USH2A: variants seen among roughly 807,000 people sequenced by gnomAD.
USH2A encodes usherin, also known as Usher syndrome 2A (autosomal recessive, mild).
In USH2A, 443 loss-of-function variants were observed where a neutral mutation model predicts 538.9. The observed-to-expected ratio is 0.82, with a 90% CI of 0.76 to 0.89. The LOEUF is 0.89. Ranked by LOEUF, USH2A falls within the 40% of genes least tolerant of loss-of-function variation. The probability of loss-of-function intolerance (pLI) is 0.00; values close to 1 mark genes in which losing one functional copy is unlikely to be tolerated. For missense variants in USH2A, 6,633 were observed against 6,324.8 expected, an observed-to-expected ratio of 1.05 and a Z score of -1.65; for synonymous variants, 2,413 against 2,273.5, an observed-to-expected ratio of 1.06 and a Z score of -1.75.
chr1:215,909,693 C>A (rs939995039), intron 38 of USH2A, among the ~76,000 whole-genome samples: 1 of 151,796 alleles, frequency 6.6e-6, no homozygotes. Context: ...ATGTTAGATG[C>A]GATAGGCAGG....
At chr1:216,186,814 T>C (rs1177789299) in intron 20 of USH2A, among the ~76,000 whole-genome samples, 1 of 151,904 alleles carries the variant, frequency 6.6e-6, no homozygotes. Context: ...GGCTGCAATA[T>C]TTGCTATCAT....
At chr1:216,031,661 G>A (rs1034091845) in intron 32 of USH2A, among the ~76,000 whole-genome samples, 2 of 152,148 alleles carry the variant, frequency 1.3e-5, no homozygotes, top group Non-Finnish European at 2.9e-5. Flanking sequence ...AGCACTGATT[G>A]TCTTGTGGTA....
chr1:215,923,213 G>T (rs1034238949), intron 38 of USH2A, among the ~76,000 whole-genome samples: 24 of 151,968 alleles, frequency 1.6e-4, no homozygotes, highest in Non-Finnish European at 7.4e-5. Context: ...ACACATAGAG[G>T]CTTAAGCAAT....
intron 21 of USH2A, among the ~76,000 whole-genome samples, chr1:216,125,049 T>G: frequency 6.6e-6 from 1 of 152,300 alleles, no homozygotes; most frequent in East Asian, 1.9e-4. Context: ...TGTGCTTTAA[T>G]CTATCAGTGA....
chr1:216,157,948 TAAATGTTA>T (rs534295682), intron 21 of USH2A, among the ~76,000 whole-genome samples: 1,898 of 152,164 alleles, frequency 0.012, 21 homozygotes, highest in Non-Finnish European at 0.019. Flanking sequence ...ATACCTAAAA[TAAATGTTA>T]AAATGAAAAA....
chr1:215,651,183 T>C (rs1196918290), intron 64 of USH2A, among the ~76,000 whole-genome samples: 1 of 152,162 alleles, frequency 6.6e-6, no homozygotes. Context: ...TTCTTAAACA[T>C]TGTCCCCACC....
chr1:215,672,589 G>T (rs541784147), intron 63 of USH2A, among the ~76,000 whole-genome samples: 3 of 152,102 alleles, frequency 2.0e-5, no homozygotes, highest in African/African-American at 7.2e-5. Context: ...GGTTATCCGT[G>T]GTAGTTTTTA....
intron 44 of USH2A, 123 bp downstream of exon 44, chr1:215,866,884 A>C: frequency 7.2e-7 from 1 of 1,383,996 alleles, no homozygotes; most frequent in Non-Finnish European, 1.0e-6. Context: ...TGCAATTGGT[A>C]AAAATTTACC....
At chr1:215,725,746 G>C (rs1659798026) in intron 61 of USH2A, among the ~76,000 whole-genome samples, 2 of 152,138 alleles carry the variant, frequency 1.3e-5, no homozygotes, top group South Asian at 4.1e-4. Context: ...ACCAGTACTG[G>C]ACTGTCAAAA....
intron 60 of USH2A, among the ~76,000 whole-genome samples, chr1:215,729,353 TTTCTC>T (rs1477860520): frequency 4.6e-5 from 7 of 152,232 alleles, no homozygotes; most frequent in African/African-American, 1.7e-4. Flanking sequence ...TCATTTGAAT[TTTCTC>T]TTCTATAATT....
At chr1:215,772,540 T>A (rs1008466229) in intron 55 of USH2A, among the ~76,000 whole-genome samples, 1 of 152,192 alleles carries the variant, frequency 6.6e-6, no homozygotes. Flanking sequence ...TAACATTACT[T>A]TGAAGAGTAA....
chr1:216,250,885 C>T lies in USH2A; in HGVS notation c.2167+18G>A, dbSNP rs375510766. ...ATGGTAATAGAGATGTGACTGTAAA[C>T]TTTTGCGTTACACGTACCAATAACG... On this transcript the variant is annotated intron_variant, in intron 12 of 71. Coordinates refer to ENST00000307340, the MANE Select transcript of USH2A (RefSeq NM_206933.4). The T allele has an allele frequency of 4.1e-4, 654 of 1,613,004 alleles. No individual in the cohort carries two copies. The highest frequency in any genetic ancestry group is 5.0e-4 in the Non-Finnish European group (588 of 1,179,482).
chr1:215,879,152 T>C (rs1218684354), intron 41 of USH2A, 54 bp from the exon 42 acceptor site: 2 of 1,516,076 alleles, frequency 1.3e-6, no homozygotes, highest in Middle Eastern at 1.7e-4. Flanking sequence ...ATAGAGCAAT[T>C]GAAGTTCACG....
chr1:215,739,995 A>T (rs1449884362), intron 60 of USH2A, among the ~76,000 whole-genome samples: 1 of 152,168 alleles, frequency 6.6e-6, no homozygotes, highest in Non-Finnish European at 1.5e-5. Context: ...ACGCTAAAGG[A>T]AATACATTGC....
intron 4 of USH2A, among the ~76,000 whole-genome samples, chr1:216,361,160 T>A (rs574503348): frequency 6.6e-6 from 1 of 152,186 alleles, no homozygotes; most frequent in Non-Finnish European, 1.5e-5. Flanking sequence ...GGTAGAAACA[T>A]TGATTTGTTT....
intron 35 of USH2A, among the ~76,000 whole-genome samples, chr1:215,989,069 T>C (rs1420856787): frequency 6.6e-6 from 1 of 152,228 alleles, no homozygotes; most frequent in African/African-American, 2.4e-5. Flanking sequence ...TGGACATTTA[T>C]ATTAGAACTT....
chr1:216,009,778 A>G lies in USH2A; in HGVS notation c.6326-9216T>C, dbSNP rs568083929. On this transcript the variant is annotated intron_variant, in intron 32 of 71. Transcript: ENST00000307340. ...TTTATCACCTCCCCTCCTTACACCC[A>G]GTCCGGCTTACAGTTTCGTTCCATG... Among the ~76,000 whole-genome samples, 28 of 152,184 alleles carry G rather than the reference A, an allele frequency of 1.8e-4. No individual in the cohort carries two copies. The South Asian group carries it at 2.5e-3, about 14-fold the overall frequency.
At chr1:215,641,022 T>C (rs1656668671) in intron 67 of USH2A, among the ~76,000 whole-genome samples, 1 of 152,124 alleles carries the variant, frequency 6.6e-6, no homozygotes, top group Non-Finnish European at 1.5e-5. Flanking sequence ...GTTTTATAAA[T>C]AAAACTATTA....
chr1:216,394,720 C>T lies in USH2A; in HGVS notation c.651+23794G>A, dbSNP rs866395606. 3.1e-4 allele frequency among the ~76,000 whole-genome samples: 37 copies of T among 120,284 alleles called. 1 individual carries two copies. Among genetic ancestry groups the T allele is most frequent in the East Asian group, 5.6e-4 (2 of 3,552 alleles). 78.9% of individuals were successfully genotyped at this position (120,284 alleles called of 152,430 possible). The stretch of plus-strand genomic sequence containing the variant: ...CTTAAGGCCTAATAACTGGTCCAGT[C>T]TTTTTTTTTTTTTTTTGAGACAGAG... On this transcript the variant is annotated intron_variant, in intron 3 of 71. Transcript: ENST00000307340.
Sources: allele counts gnomAD v4.1 joint callset (sites outside exome capture counted in the v4.1 genomes callset), GRCh38; gene constraint gnomAD v4.1.1; transcripts MANE v1.5; gene names NCBI Gene and HGNC (gene_info 2026-07-23, HGNC 2026-07-21).